The following TEX264 variants were observed in gnomAD, a reference collection of about 807,000 sequenced individuals.
TEX264 encodes the protein testis-expressed protein 264.
TEX264 carries 13 observed loss-of-function variants against 23.4 expected under a neutral mutation model. The observed-to-expected ratio is 0.56, with a 90% CI of 0.36 to 0.88. The LOEUF (loss-of-function observed/expected upper bound fraction) is 0.88. Among genes scored for constraint, TEX264 ranks in the 40% least tolerant of loss-of-function variants. The pLI, the probability that TEX264 is intolerant of heterozygous loss-of-function variation, is 0.01. For missense variants in TEX264, 340 were observed against 406.8 expected (o/e 0.84, Z 1.41); for synonymous variants, 159 against 170.0 (o/e 0.94, Z 0.50).
chr3:51,673,994 A>G (rs920208725), intron 1 of TEX264, among the ~76,000 whole-genome samples: 1 of 152,164 alleles, frequency 6.6e-6, no homozygotes, highest in Non-Finnish European at 1.5e-5. Flanking sequence ...TCTGTGACTC[A>G]GTTTCCCCAG....
chr3:51,674,842 C>T (rs1016155159), intron 2 of TEX264, among the ~76,000 whole-genome samples: 10 of 152,252 alleles, frequency 6.6e-5, no homozygotes, highest in African/African-American at 2.4e-4. Flanking sequence ...GAATCCCTGG[C>T]TTCTGCCAGG....
intron 3 of TEX264, among the ~76,000 whole-genome samples, chr3:51,688,881 C>G (rs1473236641): frequency 1.3e-5 from 2 of 152,214 alleles, no homozygotes; most frequent in African/African-American, 4.8e-5. Context: ...AATCCCAACA[C>G]TTTGGGAGCC....
intron 2 of TEX264, among the ~76,000 whole-genome samples, chr3:51,677,769 T>G (rs1362506171): frequency 6.6e-6 from 1 of 152,202 alleles, no homozygotes; most frequent in Non-Finnish European, 1.5e-5. Flanking sequence ...TCATAGTAGC[T>G]GCTGCTGGAG....
chr3:51,673,262 A>G (rs1051657645), intron 1 of TEX264, among the ~76,000 whole-genome samples: 2 of 152,070 alleles, frequency 1.3e-5, no homozygotes, highest in African/African-American at 2.4e-5. Context: ...TTCCTCTTTA[A>G]ACAGTCTTCT....
At chr3:51,672,163 C>G (rs4355273) in intron 1 of TEX264, 133,943 of 152,334 alleles carry the variant, frequency 0.88, 59,037 homozygotes, top group East Asian at 0.94. Context: ...TCCCTGAGGA[C>G]GGTAATCAGG....
At chr3:51,679,172 T>C (rs1226645783) in intron 2 of TEX264, among the ~76,000 whole-genome samples, 2 of 152,056 alleles carry the variant, frequency 1.3e-5, no homozygotes, top group East Asian at 3.9e-4. Flanking sequence ...TTTAGGTGAG[T>C]CACTTGGCCT....
At chr3:51,678,973 T>G (rs531039596) in intron 2 of TEX264, among the ~76,000 whole-genome samples, 1 of 152,344 alleles carries the variant, frequency 6.6e-6, no homozygotes, top group South Asian at 2.1e-4. Flanking sequence ...ATGGTTATTT[T>G]CTGCCAGGTG....
intron 2 of TEX264, among the ~76,000 whole-genome samples, chr3:51,677,716 G>C (rs1474528334): frequency 6.6e-6 from 1 of 152,224 alleles, no homozygotes; most frequent in Non-Finnish European, 1.5e-5. Flanking sequence ...GCACAAGAAA[G>C]GGTACCACTA....
intron 3 of TEX264, among the ~76,000 whole-genome samples, chr3:51,694,073 T>TTCCGTCCG (rs1559680754): frequency 4.1e-4 from 47 of 113,936 alleles, no homozygotes; most frequent in Non-Finnish European, 7.3e-4. Flanking sequence ...TCCCTTCCCC[T>TTCCGTCCG]TCCTTCCGTC....
In TEX264 at chr3:51,703,858, A is replaced by T; in HGVS notation, c.784A>T (p.Ser262Cys). Residue 262 changes from serine to cysteine, a missense_variant, in exon 5 of 5, where the codon AGC (serine) becomes TGC (cysteine). Ser to Cys is a moderately radical substitution (Grantham distance 112). Transcript: ENST00000341333. This position sits in a 1 kb window ranked among gnomAD's most constrained non-coding sequence, Gnocchi z 4.8. ...WDDGDTRSEH[S>C]YSESGASGSS... The stretch of plus-strand genomic sequence containing the variant: ...TGACGGTGACACCCGCAGCGAGCAC[A>T]GCTACAGCGAGTCAGGTGCCAGCGG... 4.3e-6 allele frequency: 7 copies of T among 1,612,720 alleles called. No individual in the cohort carries two copies. Among genetic ancestry groups the T allele is most frequent in the Non-Finnish European group, 5.1e-6 (6 of 1,179,128 alleles).
chr3:51,675,866 G>T (rs1360516682), intron 2 of TEX264, among the ~76,000 whole-genome samples: 1 of 152,214 alleles, frequency 6.6e-6, no homozygotes, highest in Non-Finnish European at 1.5e-5. Flanking sequence ...GGTTTGCCCA[G>T]CCAGGTGGTG....
intron 3 of TEX264, among the ~76,000 whole-genome samples, chr3:51,697,802 A>G (rs1703128690): frequency 6.6e-6 from 1 of 152,216 alleles, no homozygotes; most frequent in Non-Finnish European, 1.5e-5. Context: ...GAGTGGGTAG[A>G]GAAGCAAAGA....
chr3:51,681,967 G>C (rs1702445275), intron 2 of TEX264: 1 of 152,230 alleles, frequency 6.6e-6, no homozygotes, highest in South Asian at 2.1e-4. Flanking sequence ...GTGTCTTTTG[G>C]CTACTGAAGA....
intron 3 of TEX264, among the ~76,000 whole-genome samples, chr3:51,687,756 G>A (rs922831911): frequency 5.3e-5 from 8 of 152,154 alleles, no homozygotes; most frequent in Non-Finnish European, 1.2e-4. Flanking sequence ...TTAGCTTCGG[G>A]TTTGGGAGGT....
rs187198574 is a variant in TEX264 at position 51,704,137 on chromosome 3, C to G, written c.*121C>G. 191 of 973,870 alleles carry G rather than the reference C, an allele frequency of 2.0e-4. No individual in the cohort carries two copies. The African/African-American group carries it at 3.0e-3, about 15-fold the overall frequency. 60.3% of individuals were successfully genotyped at this position (973,870 alleles called of 1,614,324 possible). ...GAGGGGTTCCTGAGGGACCTGACTT[C>G]CCCTGCTCCAGGCCTCTTGCTAAGC... On this transcript the variant is annotated 3_prime_UTR_variant, in exon 5 of 5. Coordinates refer to ENST00000341333, the MANE Select transcript of TEX264 (RefSeq NM_015926.6).
rs1288635204 is a variant in TEX264 at position 51,684,584 on chromosome 3, A to T, written c.430A>T (p.Ile144Phe). The change falls in exon 3 of 5, where the codon ATC becomes TTC. Residue 144 changes from isoleucine to phenylalanine, a missense_variant. Physicochemically the swap from Ile to Phe is conservative, Grantham distance 21 (BLOSUM62 0). Transcript: ENST00000341333. ...ATFPYTTILS[I>F]WLATRRVHPA... ...CTTCCCCTACACCACCATTCTGTCC[A>T]TCTGGCTGGCTACCCGCCGTGTCCA... is the stretch of plus-strand genomic sequence containing the variant. 4.3e-6 allele frequency: 7 copies of T among 1,614,060 alleles called. No homozygotes were observed. The highest frequency in any genetic ancestry group is 5.9e-6 in the Non-Finnish European group (7 of 1,180,034).
chr3:51,693,107 C>T (rs1702886590), intron 3 of TEX264, among the ~76,000 whole-genome samples: 1 of 152,360 alleles, frequency 6.6e-6, no homozygotes, highest in African/African-American at 2.4e-5. Context: ...CCCCAGGCTG[C>T]CCTGTGCTTG....
chr3:51,675,356 A>C (rs1280975991), intron 2 of TEX264, among the ~76,000 whole-genome samples: 1 of 152,126 alleles, frequency 6.6e-6, no homozygotes, highest in African/African-American at 2.4e-5. Context: ...AGCCTCTACT[A>C]CTAAGCCATG....
At chr3:51,693,167 C>T (rs1009507882) in intron 3 of TEX264, among the ~76,000 whole-genome samples, 2 of 152,218 alleles carry the variant, frequency 1.3e-5, no homozygotes, top group Non-Finnish European at 2.9e-5. Flanking sequence ...CCAGGGCCTG[C>T]GTCGTGCCAG....
Sources: gnomAD v4.1 joint callset for allele counts (sites outside exome capture counted in the v4.1 genomes callset) on GRCh38, gnomAD v4.1.1 for gene constraint, Gnocchi (gnomAD v3.1) non-coding constraint, MANE v1.5 for transcripts, NCBI Gene and HGNC (gene_info 2026-07-23, HGNC 2026-07-21) for gene names.